Variants in SORL1 observed in about 807,000 individuals in gnomAD.
The protein encoded by SORL1 is sortilin-related receptor.
In SORL1, 127 loss-of-function variants were observed where a neutral mutation model predicts 273.7. The ratio of observed to expected loss-of-function variants is 0.46; its 90% CI spans 0.40 to 0.54. The LOEUF (loss-of-function observed/expected upper bound fraction) is 0.54. Among genes scored for constraint, SORL1 ranks in the 20% least tolerant of loss-of-function variants. SORL1 has a pLI of 0.00. For synonymous variants in SORL1, 1,031 were observed against 1,067.4 expected (o/e 0.97, Z 0.66); for missense variants, 2,494 against 2,846.1 (o/e 0.88, Z 2.81).
At chr11:121,607,052 T>C in intron 36 of SORL1, 95 bp downstream of exon 36, 1 of 1,078,706 alleles carries the variant, frequency 9.3e-7, no homozygotes, top group Non-Finnish European at 1.4e-6. Flanking sequence ...TGGTTTAGCT[T>C]TGTAGGTGAT....
At chr11:121,585,835 G>T (rs1422427315) in intron 26 of SORL1, among the ~76,000 whole-genome samples, 1 of 151,832 alleles carries the variant, frequency 6.6e-6, no homozygotes, top group Non-Finnish European at 1.5e-5. Context: ...CTTTATAGCT[G>T]TCTGTGTTCC....
chr11:121,548,810 AC>A lies in SORL1; in HGVS notation c.2052-1147del, dbSNP rs201610245. Among the ~76,000 whole-genome samples, 1,018 of 152,042 alleles carry A rather than the reference AC, an allele frequency of 6.7e-3. 10 individuals are homozygous for A. The highest frequency in any genetic ancestry group is 0.022 in the African/African-American group (910 of 41,466). On this transcript the variant is annotated intron_variant, in intron 14 of 47. Transcript: ENST00000260197. ...TAGAACTCCTGACCTCAAGTGAGCC[AC>A]CCGCCTCAGCCTCCCAAAATGCTGG... is the stretch of plus-strand genomic sequence containing the variant.
rs757932934 is a variant in SORL1, at chr11:121,625,182, G to C, written c.6269G>C (p.Gly2090Ala). 7 of 1,613,972 alleles carry C rather than the reference G, an allele frequency of 4.3e-6. No individual in the cohort carries two copies. Among genetic ancestry groups the C allele is most frequent in the Non-Finnish European group, 5.9e-6 (7 of 1,179,864 alleles). Residue 2090 changes from glycine (G) to alanine (A), a missense_variant, in exon 46 of 48, where the codon GGT (glycine) becomes GCT (alanine). Around this residue, in one of 3 missense-constraint regions of SORL1, gnomAD observed 1,609 missense variants for 1,816.4 expected, o/e 0.89. Coordinates refer to ENST00000260197, the MANE Select transcript of SORL1 (RefSeq NM_003105.6). ...TTTAAAATTTCCAACCTGAAGATGG[G>C]TCATAATTACACGTTCACCGTCCAA... is the stretch of plus-strand genomic sequence containing the variant. Reference protein sequence around the residue: ...NFFKISNLKMGHNYTFTVQAR... With the variant: ...NFFKISNLKMAHNYTFTVQAR...
At chr11:121,511,643 G>A (rs1861879792) in intron 6 of SORL1, among the ~76,000 whole-genome samples, 1 of 152,156 alleles carries the variant, frequency 6.6e-6, no homozygotes, top group Admixed American at 6.5e-5. Flanking sequence ...ATTTTGGTGG[G>A]CAGTCTTTCG....
At chr11:121,517,733 G>A (rs1017460676) in intron 8 of SORL1, among the ~76,000 whole-genome samples, 1 of 152,150 alleles carries the variant, frequency 6.6e-6, no homozygotes, top group Non-Finnish European at 1.5e-5. Context: ...ATAGATTCAC[G>A]TCAAGAGTCA....
intron 31 of SORL1, among the ~76,000 whole-genome samples, chr11:121,592,327 C>A (rs934772053): frequency 6.6e-6 from 1 of 152,134 alleles, no homozygotes; most frequent in Non-Finnish European, 1.5e-5. Context: ...GATGCAAAGA[C>A]CACCCTAATG....
intron 1 of SORL1, among the ~76,000 whole-genome samples, chr11:121,460,579 G>A (rs1022575507): frequency 6.6e-6 from 1 of 151,962 alleles, no homozygotes; most frequent in Non-Finnish European, 1.5e-5. Context: ...TGTATTTTTA[G>A]TAGAGATGAG....
intron 8 of SORL1, among the ~76,000 whole-genome samples, chr11:121,518,449 G>C (rs183765348): frequency 6.6e-6 from 1 of 152,274 alleles, no homozygotes; most frequent in East Asian, 1.9e-4. Flanking sequence ...AGAAGTAAAA[G>C]ATAAAACTCC....
At chr11:121,499,205 ACT>A (rs1457648311) in intron 6 of SORL1, among the ~76,000 whole-genome samples, 2 of 152,114 alleles carry the variant, frequency 1.3e-5, no homozygotes, top group East Asian at 3.9e-4. Flanking sequence ...GCAATTCTTA[ACT>A]CTCTGTATGG....
chr11:121,621,856 C>G (rs1237598569), intron 44 of SORL1, among the ~76,000 whole-genome samples: 3 of 152,230 alleles, frequency 2.0e-5, no homozygotes, highest in Non-Finnish European at 4.4e-5. Context: ...AACTCCTTAT[C>G]CCATCCCATT....
chr11:121,558,289 T>C (rs1233661273), intron 19 of SORL1, among the ~76,000 whole-genome samples: 1 of 152,274 alleles, frequency 6.6e-6, no homozygotes. Context: ...TATTCTATTA[T>C]ATGTACCATA....
intron 21 of SORL1, among the ~76,000 whole-genome samples, chr11:121,562,243 C>T (rs1042424452): frequency 2.0e-5 from 3 of 152,128 alleles, no homozygotes; most frequent in African/African-American, 7.2e-5. Context: ...CTTCAACTCT[C>T]CTTATTTTAA....
rs758823298 is a variant in SORL1, at chr11:121,586,346, C to A, written c.3814+17C>A. 12 of 1,584,446 alleles carry A rather than the reference C, an allele frequency of 7.6e-6. No homozygotes were observed. Among genetic ancestry groups the A allele is most frequent in the Non-Finnish European group, 1.0e-5 (12 of 1,152,884 alleles). On this transcript the variant is annotated intron_variant, in intron 27 of 47. Transcript: ENST00000260197. Reference sequence around the variant, plus strand: ...AGCACTGCGGTGAGTTCATTCCTTGCCCCCAGGAAGCACTCAGGCCTAGTG... The same window carrying A: ...AGCACTGCGGTGAGTTCATTCCTTGACCCCAGGAAGCACTCAGGCCTAGTG...
intron 12 of SORL1, among the ~76,000 whole-genome samples, chr11:121,535,110 T>G (rs1225586204): frequency 6.6e-6 from 1 of 152,048 alleles, no homozygotes; most frequent in Non-Finnish European, 1.5e-5. Context: ...TTTAACTGAT[T>G]TATAAAACTA....
chr11:121,591,115 A>G lies in SORL1; in HGVS notation c.4328A>G (p.Asp1443Gly). ...MDTWVCDGYR[D>G]CADGSDEEAC... ...ACCTGGGTGTGCGACGGGTACCGAGATTGTGCAGATGGCTCTGACGAGGAA... is the reference window on the plus strand; with the variant it reads ...ACCTGGGTGTGCGACGGGTACCGAGGTTGTGCAGATGGCTCTGACGAGGAA... Residue 1443 changes from aspartate to glycine, a missense_variant, in exon 31 of 48, where the codon GAT becomes GGT. Transcript: ENST00000260197. The G allele has an allele frequency of 6.2e-7, 1 of 1,614,074 alleles. No individual in the cohort carries two copies. Among genetic ancestry groups the G allele is most frequent in the East Asian group, 2.2e-5 (1 of 44,876 alleles).
chr11:121,563,457 G>A lies in SORL1; in HGVS notation c.3050-3483G>A, dbSNP rs182840088. ...GTTACCCCGGCTGGAGTGCAGTGAT[G>A]TGATCTTGGCTCACTGCAACCTCTG... On this transcript the variant is annotated intron_variant, in intron 21 of 47. Coordinates refer to ENST00000260197, the MANE Select transcript of SORL1 (RefSeq NM_003105.6). The surrounding 1 kb of genome is among the most constrained non-coding windows in gnomAD (Gnocchi z 4.2). Among the ~76,000 whole-genome samples the A allele has an allele frequency of 3.8e-3, 585 of 152,250 alleles. 3 individuals are homozygous for A. The highest frequency in any genetic ancestry group is 0.013 in the African/African-American group (559 of 41,546).
At chr11:121,511,610 A>G (rs1248421418) in intron 6 of SORL1, among the ~76,000 whole-genome samples, 2 of 152,188 alleles carry the variant, frequency 1.3e-5, no homozygotes, top group African/African-American at 4.8e-5. Context: ...AGTACAAGCT[A>G]TTAATATGGT....
intron 35 of SORL1, among the ~76,000 whole-genome samples, chr11:121,605,850 A>G (rs1270187130): frequency 6.6e-6 from 1 of 152,182 alleles, no homozygotes; most frequent in East Asian, 1.9e-4. Context: ...TCCTCTAGAT[A>G]TTTCCTAGTA....
chr11:121,542,299 C>A (rs759462872), intron 12 of SORL1, among the ~76,000 whole-genome samples: 1 of 152,316 alleles, frequency 6.6e-6, no homozygotes, highest in Non-Finnish European at 1.5e-5. Context: ...CACTTTTCCC[C>A]TTCAATCCGG....
Sources: allele counts gnomAD v4.1 joint callset (sites outside exome capture counted in the v4.1 genomes callset), GRCh38; gene constraint gnomAD v4.1.1; regional missense constraint gnomAD v4.1.1; non-coding constraint Gnocchi (gnomAD v3.1); transcripts MANE v1.5; gene names NCBI Gene and HGNC (gene_info 2026-07-23, HGNC 2026-07-21).